Variants in SDK1 observed in about 807,000 individuals in gnomAD.
SDK1 encodes the protein sidekick cell adhesion molecule 1, also known as protein sidekick-1.
In SDK1, 157 loss-of-function variants were observed where a neutral mutation model predicts 245.5. The observed-to-expected ratio is 0.64, with a 90% CI of 0.56 to 0.73. SDK1 has a LOEUF of 0.73. Ranked by LOEUF, SDK1 falls within the 30% of genes least tolerant of loss-of-function variation. SDK1 has a pLI of 0.00. For synonymous variants in SDK1, 1,647 were observed against 1,278.5 expected, an observed-to-expected ratio of 1.29 and a Z score of -6.15; for missense variants, 3,583 against 3,002.3, an observed-to-expected ratio of 1.19 and a Z score of -4.52.
rs115521574 is a variant in SDK1 at position 3,889,383 on chromosome 7, C to T, written c.848-61540C>T. Among the ~76,000 whole-genome samples, 671 of 152,330 alleles carry T rather than the reference C, an allele frequency of 4.4e-3. 7 individuals are homozygous for T. Among genetic ancestry groups the T allele is most frequent in the African/African-American group, 0.015 (630 of 41,574 alleles). The stretch of plus-strand genomic sequence containing the variant: ...CTCTCCCAGGACAGTGAATGAAGTG[C>T]AGGTGGCAGAAAGACAAAAAGAGGG... On this transcript the variant is annotated intron_variant, in intron 5 of 44. Transcript: ENST00000404826.
At chr7:4,191,245 TC>T (rs1783192996) in intron 35 of SDK1, among the ~76,000 whole-genome samples, 1 of 149,908 alleles carries the variant, frequency 6.7e-6, no homozygotes, top group African/African-American at 2.5e-5. Context: ...CCCCAGGCCC[TC>T]CCCCGCCGCG....
chr7:3,971,447 T>C lies in SDK1; in HGVS notation c.1715-19T>C. The C allele has an allele frequency of 6.4e-7, 1 of 1,570,600 alleles. No individual in the cohort carries two copies. ...CAAACTTGTCATTTCGTCTGACTCG[T>C]GACTTGTGTTTTTTTCAGATCGGAC... On this transcript the variant is annotated intron_variant, in intron 11 of 44. Transcript: ENST00000404826.
At chr7:4,164,182 C>T (rs1055350337) in intron 32 of SDK1, among the ~76,000 whole-genome samples, 20 of 152,176 alleles carry the variant, frequency 1.3e-4, no homozygotes, top group African/African-American at 3.6e-4. Context: ...GTGGGAACCA[C>T]GAAAACAGCC....
chr7:3,535,848 A>C (rs955997432), intron 1 of SDK1, among the ~76,000 whole-genome samples: 12 of 152,100 alleles, frequency 7.9e-5, no homozygotes, highest in Non-Finnish European at 1.5e-4. Flanking sequence ...TCCATGTGTC[A>C]ATATTTGCAC....
intron 1 of SDK1, among the ~76,000 whole-genome samples, chr7:3,381,588 A>G (rs1781488258): frequency 6.6e-6 from 1 of 152,116 alleles, no homozygotes; most frequent in Non-Finnish European, 1.5e-5. Context: ...TAGCATGCTT[A>G]GTTCTAAGGA....
chr7:4,078,801 G>A (rs1165105928), intron 21 of SDK1, among the ~76,000 whole-genome samples: 2 of 152,162 alleles, frequency 1.3e-5, no homozygotes, highest in African/African-American at 4.8e-5. Flanking sequence ...ACCCTCAACG[G>A]GAGGCTCATT....
At chr7:3,734,233 T>A (rs1409196705) in intron 4 of SDK1, among the ~76,000 whole-genome samples, 1 of 152,222 alleles carries the variant, frequency 6.6e-6, no homozygotes, top group Non-Finnish European at 1.5e-5. Context: ...GGTGCCCCAC[T>A]GCCAGGCCTA....
chr7:4,003,680 A>G (rs772690156), intron 14 of SDK1, among the ~76,000 whole-genome samples: 2 of 152,224 alleles, frequency 1.3e-5, no homozygotes, highest in Non-Finnish European at 2.9e-5. Flanking sequence ...ATCACTGCTG[A>G]TGCTTGCTAG....
intron 4 of SDK1, among the ~76,000 whole-genome samples, chr7:3,819,201 A>AT (rs1779584688): frequency 1.3e-5 from 2 of 150,736 alleles, no homozygotes; most frequent in Admixed American, 6.6e-5. Flanking sequence ...AAGATGTAGC[A>AT]TTTTCATGGT....
chr7:3,512,826 C>T lies in SDK1; in HGVS notation c.299-106254C>T, dbSNP rs150595838. Among the ~76,000 whole-genome samples the T allele has an allele frequency of 4.2e-4, 64 of 151,966 alleles. 1 individual carries two copies. Among genetic ancestry groups the T allele is most frequent in the African/African-American group, 1.5e-3 (61 of 41,462 alleles). On this transcript the variant is annotated intron_variant, in intron 1 of 44. Coordinates refer to ENST00000404826, the MANE Select transcript of SDK1 (RefSeq NM_152744.4). ...TTCCATCTGTTTTTTTTCCATTTAA[C>T]GTCACGATGAAATCTTTTTCTGTTT... is the stretch of plus-strand genomic sequence containing the variant.
At chr7:4,197,657 G>A (rs1450550964) in intron 35 of SDK1, among the ~76,000 whole-genome samples, 1 of 152,202 alleles carries the variant, frequency 6.6e-6, no homozygotes, top group African/African-American at 2.4e-5. Context: ...CTGGCGTCAG[G>A]CTCACTGTCC....
chr7:4,004,266 T>G (rs1421262036), intron 14 of SDK1, among the ~76,000 whole-genome samples: 1 of 152,226 alleles, frequency 6.6e-6, no homozygotes, highest in African/African-American at 2.4e-5. Context: ...ACTCTTTTCA[T>G]GGATCACCAT....
chr7:3,588,850 G>T (rs1245834760), intron 1 of SDK1, among the ~76,000 whole-genome samples: 2 of 152,152 alleles, frequency 1.3e-5, no homozygotes, highest in Non-Finnish European at 2.9e-5. Flanking sequence ...AAGAATCAAA[G>T]CATTGGATTT....
chr7:3,853,858 G>A (rs1196796293), intron 5 of SDK1, among the ~76,000 whole-genome samples: 8 of 151,948 alleles, frequency 5.3e-5, no homozygotes, highest in Admixed American at 2.6e-4. Context: ...GCTTGGTGGC[G>A]CACCCCTGTA....
intron 5 of SDK1, among the ~76,000 whole-genome samples, chr7:3,917,443 A>G (rs189975534): frequency 1.4e-4 from 22 of 152,256 alleles, no homozygotes; most frequent in African/African-American, 3.6e-4. Flanking sequence ...ATTCCCCAAG[A>G]CACGGGCTGC....
chr7:4,200,061 C>G lies in SDK1; in HGVS notation c.5099-5818C>G, dbSNP rs560338393. ...AGTGAGCCGAGACTGTGCCATTGCA[C>G]TTCAGCCTCTGTGACAGAGTGATAC... On this transcript the variant is annotated intron_variant, in intron 35 of 44. Transcript: ENST00000404826. Among the ~76,000 whole-genome samples the G allele has an allele frequency of 1.3e-3, 193 of 152,320 alleles. 2 individuals carry two copies. Among genetic ancestry groups the G allele is most frequent in the African/African-American group, 4.2e-3 (174 of 41,564 alleles).
chr7:4,255,050 T>C (rs1787543430), intron 44 of SDK1, among the ~76,000 whole-genome samples: 1 of 152,240 alleles, frequency 6.6e-6, no homozygotes, highest in Non-Finnish European at 1.5e-5. Flanking sequence ...CCAGTTGAAG[T>C]CCAGCCTTTC....
At chr7:3,875,570 T>G (rs1781055546) in intron 5 of SDK1, among the ~76,000 whole-genome samples, 1 of 152,194 alleles carries the variant, frequency 6.6e-6, no homozygotes, top group Non-Finnish European at 1.5e-5. Flanking sequence ...CGTCCCCTCT[T>G]TATCCCCACT....
chr7:4,123,048 C>G (rs768575890), intron 25 of SDK1, among the ~76,000 whole-genome samples: 2 of 152,210 alleles, frequency 1.3e-5, no homozygotes, highest in Non-Finnish European at 2.9e-5. Context: ...CCCTCTTTCT[C>G]CAGGGACGGG....
Sources: gnomAD v4.1 joint callset for allele counts (sites outside exome capture counted in the v4.1 genomes callset) on GRCh38, gnomAD v4.1.1 for gene constraint, MANE v1.5 for transcripts, NCBI Gene and HGNC (gene_info 2026-07-23, HGNC 2026-07-21) for gene names.